UBA6: variants seen among roughly 807,000 people sequenced by gnomAD.
UBA6 encodes the protein ubiquitin like modifier activating enzyme 6, also known as ubiquitin-like modifier-activating enzyme 6.
In UBA6, 87 loss-of-function variants were observed where a neutral mutation model predicts 148.3. The observed-to-expected ratio is 0.59, with a 90% confidence interval of 0.49 to 0.70. UBA6 has a LOEUF of 0.70. Among genes scored for constraint, UBA6 ranks in the 30% least tolerant of loss-of-function variants. UBA6 has a pLI of 0.00. For missense variants in UBA6, 1,186 were observed against 1,241.2 expected (o/e 0.96, Z 0.67); for synonymous variants, 376 against 401.0 (o/e 0.94, Z 0.75).
At position 67,677,713 on chromosome 4, in the gene UBA6, A is replaced by C; in HGVS notation, c.363T>G (p.Ala121=). 6.4e-7 allele frequency: 1 copy of C among 1,561,808 alleles called. No individual in the cohort carries two copies. Among genetic ancestry groups the C allele is most frequent in the East Asian group, 2.3e-5 (1 of 43,804 alleles). Residue 121 remains alanine (A), a synonymous_variant, in exon 6 of 33, where the codon GCT becomes GCG. Transcript: ENST00000322244. ...TTAGTTCTGCAATATGTTTAAGTAC[A>C]GCTTCAGCCCTAAAAAAATAAAATA... ...DVVNKRNRAE[A]VLKHIAELNP... is the part of the protein sequence containing the mutation.
chr4:67,637,716 TTGTTAAACAGA>T (rs1247195861), intron 19 of UBA6, among the ~76,000 whole-genome samples: 1 of 152,036 alleles, frequency 6.6e-6, no homozygotes, highest in Non-Finnish European at 1.5e-5. Flanking sequence ...AAGATGTGCT[TTGTTAAACAGA>T]TGCCTGAAGG....
chr4:67,683,552 CATT>C (rs1334869359), intron 2 of UBA6, among the ~76,000 whole-genome samples: 1 of 150,464 alleles, frequency 6.6e-6, no homozygotes, highest in Non-Finnish European at 1.5e-5. Flanking sequence ...TTTCTTAAAA[CATT>C]ATGAGATTTT....
intron 4 of UBA6, 34 bp downstream of exon 4, chr4:67,681,529 A>G (rs1444496762): frequency 6.6e-7 from 1 of 1,504,004 alleles, no homozygotes; most frequent in South Asian, 1.2e-5. Flanking sequence ...AAAAAGGCTC[A>G]TAACAATTTT....
chr4:67,649,881 CTTAATT>C (rs1197435842), intron 13 of UBA6, among the ~76,000 whole-genome samples: 3 of 152,094 alleles, frequency 2.0e-5, no homozygotes, highest in African/African-American at 7.2e-5. Flanking sequence ...CATTAGTAAT[CTTAATT>C]TTATCACTAA....
intron 13 of UBA6, among the ~76,000 whole-genome samples, chr4:67,650,230 C>T (rs1729520347): frequency 2.0e-5 from 3 of 152,086 alleles, no homozygotes; most frequent in African/African-American, 7.2e-5. Context: ...CTATTAAGTC[C>T]TTACACAACC....
rs1313885738 is a variant in UBA6 at position 67,633,423 on chromosome 4, T to C, written c.2064A>G (p.Leu688=). ...SLEGCFQVIK[L]LSRRPRNWSQ... ...ACCAATTTCTAGGTCTTCTGCTAAGTAACTTTATAACTTGAAAACAGCCTT... is the reference window on the plus strand; with the variant it reads ...ACCAATTTCTAGGTCTTCTGCTAAGCAACTTTATAACTTGAAAACAGCCTT... The change falls in exon 23 of 33, where the codon TTA becomes TTG. Residue 688 remains leucine (L), a synonymous_variant. Coordinates refer to ENST00000322244, the MANE Select transcript of UBA6 (RefSeq NM_018227.6). The C allele has an allele frequency of 6.2e-7, 1 of 1,610,608 alleles. No individual in the cohort carries two copies. The highest frequency in any genetic ancestry group is 1.3e-5 in the African/African-American group (1 of 74,760).
chr4:67,681,674 G>T, intron 3 of UBA6, 83 bp from the exon 4 acceptor site: 2 of 900,684 alleles, frequency 2.2e-6, no homozygotes, highest in South Asian at 3.6e-5. Context: ...TCACATATCT[G>T]ACTGCATACT....
At chr4:67,675,912 A>G (rs2109944813) in intron 6 of UBA6, among the ~76,000 whole-genome samples, 1 of 152,102 alleles carries the variant, frequency 6.6e-6, no homozygotes, top group South Asian at 2.1e-4. Flanking sequence ...GACTTTATAT[A>G]CTGGAATACC....
chr4:67,670,819 C>G (rs1211906343), intron 7 of UBA6, among the ~76,000 whole-genome samples: 7 of 148,974 alleles, frequency 4.7e-5, no homozygotes. Flanking sequence ...ATTAGAATAT[C>G]AGCATATCAT....
rs776046482 is a variant in UBA6 at position 67,677,709 on chromosome 4, G to A, written c.367C>T (p.Leu123Phe). 3 of 1,580,406 alleles carry A rather than the reference G, an allele frequency of 1.9e-6. No homozygotes were observed. The highest frequency in any genetic ancestry group is 1.7e-5 in the Admixed American group (1 of 57,776). ...GGATTTAGTTCTGCAATATGTTTAA[G>A]TACAGCTTCAGCCCTAAAAAAATAA... The part of the protein sequence containing the change: ...VNKRNRAEAV[L>F]KHIAELNPYV... Residue 123 changes from leucine (L) to phenylalanine (F), a missense_variant, in exon 6 of 33, where the codon CTT becomes TTT. Leu to Phe is a conservative substitution (Grantham distance 22). Transcript: ENST00000322244.
In UBA6 at chr4:67,634,515, C is replaced by A; in HGVS notation, c.1846G>T (p.Asp616Tyr). The change falls in exon 21 of 33, where the codon GAT becomes TAT. Residue 616 changes from aspartate (D) to tyrosine (Y), a missense_variant. Physicochemically the swap from Asp to Tyr is radical, Grantham distance 160. Coordinates refer to ENST00000322244, the MANE Select transcript of UBA6 (RefSeq NM_018227.6). ...HLTESYNSHRDPPEEEIPFCT... is the reference protein window; with the variant it reads ...HLTESYNSHRYPPEEEIPFCT... ...AATGGTATTTCCTCTTCTGGGGGATCCCGCTAATTTATAAAATATGACAAC... is the reference window on the plus strand; with the variant it reads ...AATGGTATTTCCTCTTCTGGGGGATACCGCTAATTTATAAAATATGACAAC... 1 of 1,556,768 alleles carries A rather than the reference C, an allele frequency of 6.4e-7. No individual in the cohort carries two copies. Among genetic ancestry groups the A allele is most frequent in the South Asian group, 1.3e-5 (1 of 79,510 alleles).
chr4:67,636,517 T>G (rs1213328016), intron 19 of UBA6, among the ~76,000 whole-genome samples: 1 of 152,146 alleles, frequency 6.6e-6, no homozygotes, highest in Non-Finnish European at 1.5e-5. Flanking sequence ...TCAGCCTGCC[T>G]AGTGCCTGCG....
intron 13 of UBA6, among the ~76,000 whole-genome samples, chr4:67,660,476 G>C (rs1327779520): frequency 6.6e-6 from 1 of 152,218 alleles, no homozygotes; most frequent in African/African-American, 2.4e-5. Context: ...CTTCAGAGGG[G>C]ACAAGCCCTA....
chr4:67,656,250 G>A (rs781344314), intron 13 of UBA6, among the ~76,000 whole-genome samples: 2 of 152,146 alleles, frequency 1.3e-5, no homozygotes, highest in African/African-American at 2.4e-5. Flanking sequence ...GGAATTTTAG[G>A]CCAATATCCC....
intron 12 of UBA6, 155 bp from the exon 13 acceptor site, chr4:67,662,410 C>T (rs1348324541): frequency 1.9e-6 from 1 of 536,652 alleles, no homozygotes. Flanking sequence ...AGATGATTGG[C>T]TTATAAATAC....
intron 19 of UBA6, among the ~76,000 whole-genome samples, chr4:67,637,935 T>TAAAA (rs71669109): frequency 7.0e-6 from 1 of 143,758 alleles, no homozygotes; most frequent in African/African-American, 2.6e-5. Flanking sequence ...GAATGATCAA[T>TAAAA]ATAAATAAAT....
At chr4:67,688,559 T>G (rs577176771) in intron 2 of UBA6, among the ~76,000 whole-genome samples, 1 of 151,994 alleles carries the variant, frequency 6.6e-6, no homozygotes, top group Non-Finnish European at 1.5e-5. Context: ...CAGAATACCA[T>G]CAGAGTCAGT....
chr4:67,624,391 T>C (rs1728819617), intron 29 of UBA6, 138 bp from the exon 30 acceptor site: 1 of 684,360 alleles, frequency 1.5e-6, no homozygotes, highest in East Asian at 3.0e-5. Flanking sequence ...GTAATATAAA[T>C]TTCTTATTAC....
intron 6 of UBA6, among the ~76,000 whole-genome samples, chr4:67,677,198 A>G (rs957614343): frequency 1.3e-5 from 2 of 152,176 alleles, no homozygotes; most frequent in African/African-American, 2.4e-5. Flanking sequence ...TGTTTCTCCT[A>G]CTACCATGAG....
Sources: gnomAD v4.1 joint callset for allele counts (sites outside exome capture counted in the v4.1 genomes callset) on GRCh38, gnomAD v4.1.1 for gene constraint, MANE v1.5 for transcripts, NCBI Gene and HGNC (gene_info 2026-07-23, HGNC 2026-07-21) for gene names.